MAML3: variants seen among roughly 807,000 people sequenced by gnomAD.
MAML3 encodes the protein mastermind-like protein 3.
Under a neutral mutation model 101.9 loss-of-function variants are expected in MAML3, and 27 were observed. The ratio of observed to expected loss-of-function variants is 0.27; its 90% CI spans 0.20 to 0.37. The LOEUF (loss-of-function observed/expected upper bound fraction) is 0.37, where lower values mean the gene tolerates loss of function less well. MAML3 is among the 10% of genes least tolerant of loss of function. The pLI is 1.00. For synonymous variants in MAML3, 501 were observed against 555.9 expected, an observed-to-expected ratio of 0.90 and a Z score of 1.39; for missense variants, 1,316 against 1,444.9, an observed-to-expected ratio of 0.91 and a Z score of 1.45.
intron 1 of MAML3, among the ~76,000 whole-genome samples, chr4:140,041,525 A>G (rs994942169): frequency 5.9e-5 from 9 of 152,074 alleles, no homozygotes; most frequent in African/African-American, 2.2e-4. Flanking sequence ...TCGGGAGGCT[A>G]AGGCAGACCA....
chr4:139,752,791 C>A (rs575156510), intron 2 of MAML3, among the ~76,000 whole-genome samples: 6 of 152,070 alleles, frequency 3.9e-5, no homozygotes, highest in Non-Finnish European at 7.4e-5. Flanking sequence ...AAGCTAGAGG[C>A]AGGCAATAAT....
chr4:139,889,995 G>A lies in MAML3; in HGVS notation c.1441C>T (p.Leu481Phe). The A allele has an allele frequency of 1.2e-6, 2 of 1,612,574 alleles. No homozygotes were observed. The highest frequency in any genetic ancestry group is 1.1e-5 in the South Asian group (1 of 91,050). Residue 481 changes from leucine to phenylalanine, a missense_variant, in exon 2 of 5, where the codon CTC (leucine) becomes TTC (phenylalanine). Physicochemically the swap from Leu to Phe is conservative, Grantham distance 22 (BLOSUM62 0). Transcript: ENST00000509479. ...TGCTGTTGCTGTTTCTGCTGCATGA[G>A]TTTGGCCCTTTGTTGCTGCTGTGCA... ...MAAQQQQRAKLMQQKQQQQQQ... is the reference protein window; with the variant it reads ...MAAQQQQRAKFMQQKQQQQQQ...
intron 1 of MAML3, among the ~76,000 whole-genome samples, chr4:140,024,201 C>A (rs1263263383): frequency 6.6e-6 from 1 of 151,446 alleles, no homozygotes; most frequent in Non-Finnish European, 1.5e-5. Context: ...TAGTAAGCAG[C>A]AGAGTCAAGA....
At chr4:139,945,234 T>C (rs1733701290) in intron 1 of MAML3, among the ~76,000 whole-genome samples, 2 of 152,224 alleles carry the variant, frequency 1.3e-5, no homozygotes, top group Non-Finnish European at 2.9e-5. Flanking sequence ...AGGTTCTCAA[T>C]TAAGACTGAA....
chr4:139,925,549 T>A (rs1278138065), intron 1 of MAML3, among the ~76,000 whole-genome samples: 1 of 151,930 alleles, frequency 6.6e-6, no homozygotes, highest in Non-Finnish European at 1.5e-5. Context: ...GTACTCTTGA[T>A]AAGATAAAGT....
At chr4:139,749,544 C>G (rs1221547177) in intron 2 of MAML3, among the ~76,000 whole-genome samples, 1 of 152,166 alleles carries the variant, frequency 6.6e-6, no homozygotes, top group African/African-American at 2.4e-5. Context: ...GCTCTGGTAA[C>G]TGTCAAGGGG....
chr4:140,083,969 G>C (rs6536685), intron 1 of MAML3, among the ~76,000 whole-genome samples: 122 of 14,028 alleles, frequency 8.7e-3, no homozygotes, highest in African/African-American at 0.017. Context: ...CACACACACA[G>C]AGAGAGAGAG....
chr4:139,823,997 G>A (rs1269893580), intron 2 of MAML3, among the ~76,000 whole-genome samples: 1 of 152,086 alleles, frequency 6.6e-6, no homozygotes, highest in Non-Finnish European at 1.5e-5. Flanking sequence ...TCTCTACGAA[G>A]CAGCTGGCTG....
chr4:139,785,431 G>A lies in MAML3; in HGVS notation c.2080-54764C>T, dbSNP rs1237715179. The stretch of plus-strand genomic sequence containing the variant: ...ATAATGGTTCCCTATGCTTGCTCTG[G>A]GATCAGAGTGTTCTTGATGAGTGAA... On this transcript the variant is annotated intron_variant, in intron 2 of 4. Transcript: ENST00000509479. The surrounding 1 kb of genome is among the most constrained non-coding windows in gnomAD (Gnocchi z 4.3). Among the ~76,000 whole-genome samples the A allele has an allele frequency of 6.6e-6, 1 of 152,134 alleles. No individual in the cohort carries two copies. Among genetic ancestry groups the A allele is most frequent in the Non-Finnish European group, 1.5e-5 (1 of 68,032 alleles).
rs1376164931 is a variant in MAML3, at chr4:139,745,833, A to G, written c.2080-15166T>C. On this transcript the variant is annotated intron_variant, in intron 2 of 4. Transcript: ENST00000509479. The stretch of plus-strand genomic sequence containing the variant: ...GTAGAACAGTAGGTATATACTGTGA[A>G]TATTTTCAAAGCCCTAACAATACAT... Among the ~76,000 whole-genome samples, 9 of 152,370 alleles carry G rather than the reference A, an allele frequency of 5.9e-5. No individual in the cohort carries two copies. In the East Asian group the frequency reaches 1.3e-3, roughly 23 times the overall value.
chr4:139,848,449 C>T (rs1170020884), intron 2 of MAML3, among the ~76,000 whole-genome samples: 1 of 152,202 alleles, frequency 6.6e-6, no homozygotes, highest in Non-Finnish European at 1.5e-5. Flanking sequence ...CAGAGTCCTT[C>T]CCTCAAAAAT....
intron 2 of MAML3, among the ~76,000 whole-genome samples, chr4:139,747,434 C>T (rs1729360960): frequency 6.6e-6 from 1 of 152,228 alleles, no homozygotes; most frequent in Non-Finnish European, 1.5e-5. Context: ...TGGCTCACGC[C>T]TGTAATCCCA....
intron 1 of MAML3, among the ~76,000 whole-genome samples, chr4:140,117,335 C>T (rs1217952163): frequency 6.6e-6 from 1 of 152,142 alleles, no homozygotes; most frequent in Non-Finnish European, 1.5e-5. Context: ...TCTAAATTTA[C>T]ACTTTTACTT....
At chr4:139,897,940 T>C (rs1732643678) in intron 1 of MAML3, among the ~76,000 whole-genome samples, 1 of 152,216 alleles carries the variant, frequency 6.6e-6, no homozygotes, top group Non-Finnish European at 1.5e-5. Flanking sequence ...ATACCACATT[T>C]GTTTTCTCTC....
intron 1 of MAML3, among the ~76,000 whole-genome samples, chr4:140,099,928 C>T (rs1272715271): frequency 6.6e-6 from 1 of 152,154 alleles, no homozygotes; most frequent in African/African-American, 2.4e-5. Context: ...CATGGCACTC[C>T]CTGTCACAAA....
intron 2 of MAML3, among the ~76,000 whole-genome samples, chr4:139,752,809 G>C (rs1560783331): frequency 6.6e-6 from 1 of 152,026 alleles, no homozygotes; most frequent in Non-Finnish European, 1.5e-5. Context: ...AATTTTAAGG[G>C]AAAAAAATGT....
At chr4:139,989,087 G>A (rs574708267) in intron 1 of MAML3, among the ~76,000 whole-genome samples, 1 of 152,202 alleles carries the variant, frequency 6.6e-6, no homozygotes, top group East Asian at 1.9e-4. Flanking sequence ...GCCCCTTCTC[G>A]ACGATTTATA....
At chr4:139,989,685 G>A (rs1378544391) in intron 1 of MAML3, among the ~76,000 whole-genome samples, 2 of 151,958 alleles carry the variant, frequency 1.3e-5, no homozygotes, top group African/African-American at 4.8e-5. Flanking sequence ...AGGTGTTTTT[G>A]TCAGGCTACC....
At chr4:140,077,980 T>C (rs969773767) in intron 1 of MAML3, among the ~76,000 whole-genome samples, 1 of 151,808 alleles carries the variant, frequency 6.6e-6, no homozygotes, top group African/African-American at 2.4e-5. Flanking sequence ...ATCGTGCCAA[T>C]GCACTCCAAC....
Sources: gnomAD v4.1 joint callset for allele counts (sites outside exome capture counted in the v4.1 genomes callset) on GRCh38, gnomAD v4.1.1 for gene constraint, Gnocchi (gnomAD v3.1) non-coding constraint, MANE v1.5 for transcripts, NCBI Gene and HGNC (gene_info 2026-07-23, HGNC 2026-07-21) for gene names.